The following DNAH14 variants were observed in gnomAD, a reference collection of about 807,000 sequenced individuals.
DNAH14 encodes the protein dynein axonemal heavy chain 14, also known as axonemal beta dynein heavy chain 14.
Under a neutral mutation model 520.9 loss-of-function variants are expected in DNAH14, and 478 were observed. The observed-to-expected ratio is 0.92, with a 90% CI of 0.85 to 0.99. The LOEUF (loss-of-function observed/expected upper bound fraction) is 0.99. Among genes scored for constraint, DNAH14 ranks in the 50% least tolerant of loss-of-function variants. The probability of loss-of-function intolerance (pLI) is 0.00; values close to 1 mark genes in which losing one functional copy is unlikely to be tolerated. For missense variants in DNAH14, 4,831 were observed against 5,234.5 expected, an observed-to-expected ratio of 0.92 and a Z score of 2.38; for synonymous variants, 1,581 against 1,757.2, an observed-to-expected ratio of 0.90 and a Z score of 2.51.
intron 38 of DNAH14, among the ~76,000 whole-genome samples, chr1:225,193,449 G>A (rs1474219932): frequency 6.6e-6 from 1 of 152,106 alleles, no homozygotes; most frequent in African/African-American, 2.4e-5. Context: ...CAGCTCCTCT[G>A]GAGGCTGAGG....
intron 17 of DNAH14, among the ~76,000 whole-genome samples, chr1:225,057,484 T>C (rs903187670): frequency 1.3e-5 from 2 of 152,196 alleles, no homozygotes; most frequent in African/African-American, 4.8e-5. Flanking sequence ...ACAGGGACAA[T>C]TTGACTTCCT....
rs1043364788 is a variant in DNAH14 at position 225,140,775 on chromosome 1, T to A, written c.4262T>A (p.Ile1421Asn). The A allele has an allele frequency of 1.3e-6, 2 of 1,531,870 alleles. No homozygotes were observed. Among genetic ancestry groups the A allele is most frequent in the Non-Finnish European group, 1.8e-6 (2 of 1,130,860 alleles). 94.9% of individuals were successfully genotyped at this position (1,531,870 alleles called of 1,614,324 possible). Residue 1421 changes from isoleucine to asparagine, a missense_variant, in exon 28 of 86, where the codon ATC becomes AAC. By Grantham distance (149) the Ile-to-Asn change is moderately radical. Coordinates refer to ENST00000682510, the MANE Select transcript of DNAH14 (RefSeq NM_001367479.1). ...ATTATCTTACTTTTTCAGAGCCAGATCATGTTTTATAATGATTGTGTTAAA... is the reference window on the plus strand; with the variant it reads ...ATTATCTTACTTTTTCAGAGCCAGAACATGTTTTATAATGATTGTGTTAAA... ...PGQVVLTVSQ[I>N]MFYNDCVKSF...
chr1:225,207,154 A>G lies in DNAH14; in HGVS notation c.6373A>G (p.Ile2125Val). 6.5e-7 allele frequency: 1 copy of G among 1,548,278 alleles called. No homozygotes were observed. Among genetic ancestry groups the G allele is most frequent in the Non-Finnish European group, 8.7e-7 (1 of 1,145,502 alleles). The change falls in exon 41 of 86, where the codon ATA becomes GTA. Residue 2125 changes from isoleucine (I) to valine (V), a missense_variant. Transcript: ENST00000682510. ...PYPMEDITVV[I>V]TLCRILDAFF... ...TCCTATGGAGGACATAACAGTCGTC[A>G]TAACCCTCTGCAGAATTCTTGATGC...
intron 8 of DNAH14, among the ~76,000 whole-genome samples, chr1:224,976,783 A>G (rs1426970991): frequency 6.6e-6 from 1 of 151,836 alleles, no homozygotes; most frequent in Admixed American, 6.6e-5. Context: ...CAAAACCACA[A>G]TGAGATACCA....
chr1:225,022,000 G>A (rs1360962138), intron 10 of DNAH14, among the ~76,000 whole-genome samples: 1 of 151,822 alleles, frequency 6.6e-6, no homozygotes, highest in Non-Finnish European at 1.5e-5. Flanking sequence ...CAACAATGGA[G>A]AAAGAACTCC....
intron 35 of DNAH14, among the ~76,000 whole-genome samples, chr1:225,162,737 C>A (rs932498329): frequency 2.0e-5 from 3 of 151,816 alleles, no homozygotes; most frequent in South Asian, 2.1e-4. Flanking sequence ...TTATAGAGAT[C>A]TTTCACTTCT....
chr1:224,976,773 C>G (rs1364932472), intron 8 of DNAH14, among the ~76,000 whole-genome samples: 19 of 151,432 alleles, frequency 1.3e-4, no homozygotes, highest in African/African-American at 4.6e-4. Flanking sequence ...AAATGCAAAT[C>G]AAAACCACAA....
At chr1:225,387,776 G>A (rs1025533236) in intron 81 of DNAH14, among the ~76,000 whole-genome samples, 1 of 152,110 alleles carries the variant, frequency 6.6e-6, no homozygotes. Context: ...TCCAGAAGAG[G>A]GGACAGTAAA....
intron 31 of DNAH14, among the ~76,000 whole-genome samples, chr1:225,149,444 G>GT (rs1272854285): frequency 6.6e-6 from 1 of 152,118 alleles, no homozygotes; most frequent in Admixed American, 6.6e-5. Context: ...TTGTAAAATA[G>GT]TTTTTTTCTA....
chr1:225,253,417 A>G lies in DNAH14; in HGVS notation c.6865+1000A>G, dbSNP rs1256487807. On this transcript the variant is annotated intron_variant, in intron 44 of 85. Transcript: ENST00000682510. ...TGCCACTTCCTCTAATTGCAGGCAA[A>G]GAGCTTAGAAATAACTAAAACATTC... Among the ~76,000 whole-genome samples, 13 of 152,282 alleles carry G rather than the reference A, an allele frequency of 8.5e-5. No homozygotes were observed. In the East Asian group the frequency reaches 2.5e-3, roughly 29 times the overall value.
rs767369208 is a variant in DNAH14, at chr1:225,345,981, C to T, written c.10698C>T (p.Asp3566=). ...CTTTAGGATCCATATTAGATGATGACAAAATTGTAGATACCTTAAGAAAAT... is the reference window on the plus strand; with the variant it reads ...CTTTAGGATCCATATTAGATGATGATAAAATTGTAGATACCTTAAGAAAAT... The part of the protein sequence containing the change: ...QKALGSILDD[D]KIVDTLRKSK... Residue 3566 remains aspartate (D), a synonymous_variant, in exon 70 of 86, where the codon GAC becomes GAT. Transcript: ENST00000682510. 1.5e-5 allele frequency: 23 copies of T among 1,549,506 alleles called. No homozygotes were observed. In the East Asian group the frequency reaches 3.7e-4, roughly 25 times the overall value.
chr1:225,347,536 C>G (rs1055536218), intron 71 of DNAH14, among the ~76,000 whole-genome samples: 1 of 152,118 alleles, frequency 6.6e-6, no homozygotes, highest in Non-Finnish European at 1.5e-5. Flanking sequence ...TCCCAAGGGA[C>G]TAGTTTTTGT....
In DNAH14 at chr1:225,240,612, C is replaced by A. The variant is rs1346666174; in HGVS notation, c.6538C>A (p.Pro2180Thr). Reference protein sequence around the residue: ...IEKRDENTWYPEKNPDKLTKI... With the variant: ...IEKRDENTWYTEKNPDKLTKI... ...CCCCAGGGATGAAAATACATGGTAT[C>A]CAGAGAAAAATCCTGATAAATTAAC... The change falls in exon 43 of 86, where the codon CCA becomes ACA. Residue 2180 changes from proline (P) to threonine (T), a missense_variant. Pro to Thr is a conservative substitution (Grantham distance 38, BLOSUM62 -1). Coordinates refer to ENST00000682510, the MANE Select transcript of DNAH14 (RefSeq NM_001367479.1). 1.3e-6 allele frequency: 2 copies of A among 1,549,172 alleles called. No homozygotes were observed. Among genetic ancestry groups the A allele is most frequent in the Non-Finnish European group, 1.7e-6 (2 of 1,145,358 alleles).
chr1:225,100,695 C>G lies in DNAH14; in HGVS notation c.3696-18C>G, dbSNP rs1450390043. The G allele has an allele frequency of 1.4e-6, 2 of 1,463,952 alleles. No homozygotes were observed. The highest frequency in any genetic ancestry group is 1.8e-6 in the Non-Finnish European group (2 of 1,111,798). 90.7% of individuals were successfully genotyped at this position (1,463,952 alleles called of 1,614,324 possible). A position where few individuals can be genotyped will look rare whatever the true frequency, so the allele number is the denominator to read the frequency against. ...TGCCTTAAAAAAAATAAAATGACATCTAATTTTTTTTCTAAAGGCAACTCC... is the reference window on the plus strand; with the variant it reads ...TGCCTTAAAAAAAATAAAATGACATGTAATTTTTTTTCTAAAGGCAACTCC... On this transcript the variant is annotated intron_variant, in intron 22 of 85. Transcript: ENST00000682510.
At chr1:225,322,224 G>T (rs1290084563) in intron 61 of DNAH14, among the ~76,000 whole-genome samples, 5 of 150,392 alleles carry the variant, frequency 3.3e-5, no homozygotes, top group African/African-American at 1.2e-4. Flanking sequence ...CAAGTAGCTG[G>T]GACTACAGGC....
intron 60 of DNAH14, among the ~76,000 whole-genome samples, chr1:225,316,015 C>T (rs892862028): frequency 6.6e-5 from 10 of 152,224 alleles, no homozygotes; most frequent in Admixed American, 1.3e-4. Context: ...AAGCCCCTGA[C>T]GGGGCTGCTG....
intron 41 of DNAH14, among the ~76,000 whole-genome samples, chr1:225,225,927 T>C (rs1438735810): frequency 6.6e-6 from 1 of 152,140 alleles, no homozygotes; most frequent in African/African-American, 2.4e-5. Context: ...ACGATGCAGC[T>C]TCCTCAGACA....
At chr1:225,040,709 T>C (rs2067400884) in intron 12 of DNAH14, among the ~76,000 whole-genome samples, 1 of 152,150 alleles carries the variant, frequency 6.6e-6, no homozygotes, top group Non-Finnish European at 1.5e-5. Context: ...TGAACAAGAG[T>C]TACTATTTCT....
chr1:225,032,312 A>G (rs941810573), intron 11 of DNAH14, among the ~76,000 whole-genome samples: 5 of 152,042 alleles, frequency 3.3e-5, no homozygotes, highest in African/African-American at 9.7e-5. Context: ...GCTCCCACTT[A>G]TAAGTGAGAA....
Sources: gnomAD v4.1 joint callset for allele counts (sites outside exome capture counted in the v4.1 genomes callset) on GRCh38, gnomAD v4.1.1 for gene constraint, MANE v1.5 for transcripts, NCBI Gene and HGNC (gene_info 2026-07-23, HGNC 2026-07-21) for gene names.